MYO15A: variants seen among roughly 807,000 people sequenced by gnomAD.
MYO15A encodes myosin XVA, also known as unconventional myosin-XV.
In MYO15A, 308 loss-of-function variants were observed where a neutral mutation model predicts 394.6. The ratio of observed to expected loss-of-function variants is 0.78; its 90% CI spans 0.71 to 0.86. The LOEUF is 0.86. Among genes scored for constraint, MYO15A ranks in the 40% least tolerant of loss-of-function variants. MYO15A has a pLI of 0.00. For missense variants in MYO15A, 4,606 were observed against 4,799.1 expected (o/e 0.96, Z 1.19); for synonymous variants, 1,957 against 2,003.8 (o/e 0.98, Z 0.62).
intron 16 of MYO15A, chr17:18,137,903 T>G: frequency 1.2e-6 from 1 of 847,658 alleles, no homozygotes; most frequent in Non-Finnish European, 1.8e-6. Context: ...GTGGGGGTCC[T>G]TCTTCTCCTC....
In MYO15A at chr17:18,121,637, G is replaced by A. The variant is rs1192986169; in HGVS notation, c.2837G>A (p.Gly946Asp). The change falls in exon 2 of 66, where the codon GGT becomes GAT. Residue 946 changes from glycine (G) to aspartate (D), a missense_variant. By Grantham distance (94) the Gly-to-Asp change is moderately conservative (BLOSUM62 -1). This residue lies in a region of MYO15A where 1,830 missense variants were observed against 1,689.7 expected (regional missense o/e 1.08). Transcript: ENST00000647165. This position sits in a 1 kb window ranked among gnomAD's most constrained non-coding sequence, Gnocchi z 5.3. ...CGCCCACCCTCCCCCTGGCCAGGAG[G>A]TGCAGGCAGCCGCCGAGGCTTTTCC... is the stretch of plus-strand genomic sequence containing the variant. ...TQRPPSPWPGGAGSRRGFSRP... is the reference protein window; with the variant it reads ...TQRPPSPWPGDAGSRRGFSRP... 1 of 1,604,970 alleles carries A rather than the reference G, an allele frequency of 6.2e-7. No homozygotes were observed. The highest frequency in any genetic ancestry group is 1.1e-5 in the South Asian group (1 of 89,734).
intron 1 of MYO15A, among the ~76,000 whole-genome samples, chr17:18,111,341 GAAAAAAAAAAAAAAA>G (rs57095827): frequency 0.48 from 58,003 of 120,820 alleles, 12,355 homozygotes; most frequent in South Asian, 0.75. Context: ...TCTCAAAAGA[GAAAAAAAAAAAAAAA>G]AAAAAAAAAA....
At chr17:18,134,554 GT>G (rs887979370) in intron 12 of MYO15A, among the ~76,000 whole-genome samples, 5 of 152,070 alleles carry the variant, frequency 3.3e-5, no homozygotes, top group African/African-American at 1.2e-4. Flanking sequence ...TTCCCAGGTG[GT>G]TACTCAATTG....
In MYO15A at chr17:18,157,167, G is replaced by A. The variant is rs768364759; in HGVS notation, c.8725G>A (p.Gly2909Ser). Residue 2909 changes from glycine to serine, a missense_variant, in exon 50 of 66, where the codon GGC (glycine) becomes AGC (serine). By Grantham distance (56) the Gly-to-Ser change is moderately conservative. This residue lies in a region of MYO15A where 2,776 missense variants were observed against 3,109.3 expected (regional missense o/e 0.89). Coordinates refer to ENST00000647165, the MANE Select transcript of MYO15A (RefSeq NM_016239.4). Reference sequence around the variant, plus strand: ...AGCCTGGCCCATAGGCTACAGTGCTGGCTGCGTGGTTCGCAGGAAGGTGGT... The same window carrying A: ...AGCCTGGCCCATAGGCTACAGTGCTAGCTGCGTGGTTCGCAGGAAGGTGGT... ...LEPPRVGYSA[G>S]CVVRRKVVYL... 7 of 1,610,808 alleles carry A rather than the reference G, an allele frequency of 4.3e-6. No homozygotes were observed. In the South Asian group the frequency reaches 7.7e-5, roughly 18 times the overall value.
chr17:18,158,523 G>T lies in MYO15A; in HGVS notation c.8968G>T (p.Gly2990Cys), dbSNP rs1403593979. 1 of 1,613,964 alleles carries T rather than the reference G, an allele frequency of 6.2e-7. No individual in the cohort carries two copies. The highest frequency in any genetic ancestry group is 1.7e-5 in the Admixed American group (1 of 60,002). ...CTTCCTAGCTCCGCCTCTTCTGCAG[G>T]GTCCCCCAGTCAGGGCCCGCTCTGC... The part of the protein sequence containing the change: ...AAQEVGRRRE[G>C]PPVRARSADH... The change falls in exon 52 of 66, where the codon GGT (glycine) becomes TGT (cysteine). Residue 2990 changes from glycine to cysteine, a missense_variant and splice_region_variant. By Grantham distance (159) the Gly-to-Cys change is radical (BLOSUM62 -3). This residue lies in a region of MYO15A where 2,776 missense variants were observed against 3,109.3 expected (regional missense o/e 0.89). Transcript: ENST00000647165.
At chr17:18,149,441 T>G (rs1369276209) in intron 34 of MYO15A, 45 bp from the exon 35 acceptor site, 1 of 1,613,870 alleles carries the variant, frequency 6.2e-7, no homozygotes, top group Non-Finnish European at 8.5e-7. Flanking sequence ...GGGGTGGAAA[T>G]CATCAAGAAA....
chr17:18,149,105 G>A, intron 33 of MYO15A, 111 bp from the exon 34 acceptor site: 2 of 1,507,498 alleles, frequency 1.3e-6, no homozygotes, highest in South Asian at 2.4e-5. Context: ...TTCACCAAAG[G>A]ATCCTGCTTT....
chr17:18,124,102 C>G, intron 2 of MYO15A: 1 of 310,764 alleles, frequency 3.2e-6, no homozygotes. Context: ...CCCCATGCAC[C>G]AGGTCACAAG....
At chr17:18,154,543 G>T in intron 44 of MYO15A, 137 bp from the exon 45 acceptor site, 1 of 881,456 alleles carries the variant, frequency 1.1e-6, no homozygotes. Flanking sequence ...GATTTACACA[G>T]ATGACCCAGC....
At chr17:18,176,973 A>G (rs953581692) in intron 65 of MYO15A, 7 of 152,268 alleles carry the variant, frequency 4.6e-5, no homozygotes, top group African/African-American at 1.4e-4. Context: ...CGCCTGGCAC[A>G]TAGTAGATGC....
intron 65 of MYO15A, among the ~76,000 whole-genome samples, chr17:18,174,735 A>G (rs1317855152): frequency 6.6e-6 from 1 of 152,148 alleles, no homozygotes; most frequent in Non-Finnish European, 1.5e-5. Context: ...CCCAGAGAAG[A>G]TGCAGAATTG....
In MYO15A at chr17:18,148,645, G is replaced by T. The variant is rs983534302; in HGVS notation, c.6764+77G>T. On this transcript the variant is annotated intron_variant, in intron 32 of 65. Coordinates refer to ENST00000647165, the MANE Select transcript of MYO15A (RefSeq NM_016239.4). The surrounding 1 kb of genome is among the most constrained non-coding windows in gnomAD (Gnocchi z 4.8). ...TGGGGGGAGGTCAGATCCCCCAGAG[G>T]GTCCCATAGGGTCCATTCTGTTCAT... 48 of 1,542,084 alleles carry T rather than the reference G, an allele frequency of 3.1e-5. No individual in the cohort carries two copies. The highest frequency in any genetic ancestry group is 3.8e-5 in the Non-Finnish European group (43 of 1,139,572).
chr17:18,141,079 G>C lies in MYO15A; in HGVS notation c.5467G>C (p.Glu1823Gln), dbSNP rs1401887895. Residue 1823 changes from glutamate to glutamine, a missense_variant, in exon 22 of 66, where the codon GAG becomes CAG. Physicochemically the swap from Glu to Gln is conservative, Grantham distance 29. Coordinates refer to ENST00000647165, the MANE Select transcript of MYO15A (RefSeq NM_016239.4). The stretch of plus-strand genomic sequence containing the variant: ...ACAATTACGCTATTCAGGGGTGCTG[G>C]AGACCGTGAGGATCCGCAAGGAGGG... The part of the protein sequence containing the change: ...MAQLRYSGVL[E>Q]TVRIRKEGFP... The C allele has an allele frequency of 2.5e-6, 4 of 1,613,946 alleles. No individual in the cohort carries two copies. In the African/African-American group the frequency reaches 5.3e-5, roughly 22 times the overall value.
At position 18,121,877 on chromosome 17, in the gene MYO15A, A is replaced by G. The variant is rs2045942772; in HGVS notation, c.3077A>G (p.Glu1026Gly). The change falls in exon 2 of 66, where the codon GAG becomes GGG. Residue 1026 changes from glutamate (E) to glycine (G), a missense_variant. Physicochemically the swap from Glu to Gly is moderately conservative, Grantham distance 98. This residue lies in a region of MYO15A where 1,830 missense variants were observed against 1,689.7 expected (regional missense o/e 1.08). Coordinates refer to ENST00000647165, the MANE Select transcript of MYO15A (RefSeq NM_016239.4). The surrounding 1 kb of genome is among the most constrained non-coding windows in gnomAD (Gnocchi z 5.3). ...ATLGDPQLPA[E>G]TKPPTPAPPK... ...CTGGGGGACCCCCAGCTGCCAGCAG[A>G]GACCAAGCCTCCAACCCCAGCACCT... 1.9e-6 allele frequency: 3 copies of G among 1,612,820 alleles called. No individual in the cohort carries two copies. The highest frequency in any genetic ancestry group is 2.5e-6 in the Non-Finnish European group (3 of 1,179,932).
rs1390144420 is a variant in MYO15A at position 18,117,043 on chromosome 17, G to A, written c.-219-1539G>A. Among the ~76,000 whole-genome samples the A allele has an allele frequency of 6.6e-6, 1 of 152,138 alleles. No homozygotes were observed. Among genetic ancestry groups the A allele is most frequent in the East Asian group, 1.9e-4 (1 of 5,188 alleles). ...CAGCCCCTCAAACTCCTGCTGTGCA[G>A]GAGGCCCACTTCCTGCACGTATCCC... On this transcript the variant is annotated intron_variant, in intron 1 of 65. Coordinates refer to ENST00000647165, the MANE Select transcript of MYO15A (RefSeq NM_016239.4). The surrounding 1 kb of genome is among the most constrained non-coding windows in gnomAD (Gnocchi z 4.1).
Position 18,131,501 on chromosome 17 carries a change from C to T in MYO15A, c.4176C>T (p.Tyr1392=), listed in dbSNP as rs1199192203. Residue 1392 remains tyrosine (Y), a synonymous_variant, in exon 10 of 66, where the codon TAC becomes TAT. Transcript: ENST00000647165. ...TCTCTGGTGCCATAACCTCCCAGTA[C>T]CTGCTTGAGAAATCCAGGATCGTGT... ...GVISGAITSQ[Y]LLEKSRIVFQ... The T allele has an allele frequency of 3.1e-6, 5 of 1,614,002 alleles. No homozygotes were observed. The highest frequency in any genetic ancestry group is 3.4e-6 in the Non-Finnish European group (4 of 1,179,982).
At position 18,178,850 on chromosome 17, in the gene MYO15A, A is replaced by C; in HGVS notation, c.10573A>C (p.Ser3525Arg). The part of the protein sequence containing the change: ...AHEKRLTLPP[S>R]EITLL ...TGAGAAGCGGCTCACATTGCCCCCC[A>C]GCGAGATCACCCTGCTCTGACCCAG... Residue 3525 changes from serine to arginine, a missense_variant, in exon 66 of 66, where the codon AGC (serine) becomes CGC (arginine). By Grantham distance (110) the Ser-to-Arg change is moderately radical (BLOSUM62 -1). This residue lies in a region of MYO15A where 2,776 missense variants were observed against 3,109.3 expected (regional missense o/e 0.89). Coordinates refer to ENST00000647165, the MANE Select transcript of MYO15A (RefSeq NM_016239.4). 1 of 1,613,360 alleles carries C rather than the reference A, an allele frequency of 6.2e-7. No individual in the cohort carries two copies. Among genetic ancestry groups the C allele is most frequent in the Non-Finnish European group, 8.5e-7 (1 of 1,179,988 alleles).
rs764646517 is a variant in MYO15A, at chr17:18,151,179, C to T, written c.7543C>T (p.Arg2515Cys). The T allele has an allele frequency of 5.0e-6, 8 of 1,613,968 alleles. No individual in the cohort carries two copies. Among genetic ancestry groups the T allele is most frequent in the Middle Eastern group, 1.6e-4 (1 of 6,084 alleles). Residue 2515 changes from arginine to cysteine, a missense_variant, in exon 39 of 66, where the codon CGT (arginine) becomes TGT (cysteine). Physicochemically the swap from Arg to Cys is radical, Grantham distance 180 (BLOSUM62 -3). Around this residue, in one of 2 missense-constraint regions of MYO15A, gnomAD observed 2,776 missense variants for 3,109.3 expected, o/e 0.89. Coordinates refer to ENST00000647165, the MANE Select transcript of MYO15A (RefSeq NM_016239.4). ...TCCCCCTGCCAAACCCGTGCTCCTG[C>T]GTGCCACTCCAAAGCCCTTGGCCCC... ...TGPPAKPVLLRATPKPLAPAP... is the reference protein window; with the variant it reads ...TGPPAKPVLLCATPKPLAPAP...
Position 18,151,230 on chromosome 17 carries a change from C to CGGGA in MYO15A, c.7594_7595insGGGA (p.Leu2532ArgfsTer37). ...AGCCCCTCTGGCCAAGGCTCCAAGG[C>CGGGA]TCCCCATCAAGCCTGTGGCTGCCCC... On this transcript the variant is annotated frameshift_variant, in exon 39 of 66. Coordinates refer to ENST00000647165, the MANE Select transcript of MYO15A (RefSeq NM_016239.4). LOFTEE classifies it high-confidence loss of function. 5.6e-6 allele frequency: 9 copies of CGGGA among 1,614,174 alleles called. No individual in the cohort carries two copies. The highest frequency in any genetic ancestry group is 1.7e-6 in the Non-Finnish European group (2 of 1,180,030).
Sources: allele counts gnomAD v4.1 joint callset (sites outside exome capture counted in the v4.1 genomes callset), GRCh38; gene constraint gnomAD v4.1.1; regional missense constraint gnomAD v4.1.1; non-coding constraint Gnocchi (gnomAD v3.1); transcripts MANE v1.5; gene names NCBI Gene and HGNC (gene_info 2026-07-23, HGNC 2026-07-21).